Variants in DAXX observed in about 807,000 individuals in gnomAD.
DAXX encodes death domain-associated protein 6.
In DAXX, 24 loss-of-function variants were observed where a neutral mutation model predicts 61.9. The ratio of observed to expected loss-of-function variants is 0.39; its 90% CI spans 0.28 to 0.55. The LOEUF (loss-of-function observed/expected upper bound fraction) is 0.55, where lower values mean the gene tolerates loss of function less well. Ranked by LOEUF, DAXX falls within the 20% of genes least tolerant of loss-of-function variation. The probability of loss-of-function intolerance (pLI) is 0.69; values close to 1 mark genes in which losing one functional copy is unlikely to be tolerated. For synonymous variants in DAXX, 357 were observed against 369.5 expected, an observed-to-expected ratio of 0.97 and a Z score of 0.39; for missense variants, 819 against 935.3, an observed-to-expected ratio of 0.88 and a Z score of 1.62.
rs757006416 is a variant in DAXX, at chr6:33,320,019, GCTT to G, written c.1454_1456del (p.Glu485del). 2 of 1,613,816 alleles carry G rather than the reference GCTT, an allele frequency of 1.2e-6. No homozygotes were observed. Among genetic ancestry groups the G allele is most frequent in the Non-Finnish European group, 1.7e-6 (2 of 1,179,844 alleles). On this transcript the variant is annotated inframe_deletion, in exon 5 of 8. Transcript: ENST00000374542. This position sits in a 1 kb window ranked among gnomAD's most constrained non-coding sequence, Gnocchi z 7.1. ...ATGTTCCCTTGACATACCTGCTGCT[GCTT>G]CTTCCTCTTCGTCCTCCTCTTCATC...
At chr6:33,322,101 C>G in intron 1 of DAXX, 124 bp from the exon 2 acceptor site, 1 of 624,542 alleles carries the variant, frequency 1.6e-6, no homozygotes, top group South Asian at 2.2e-5. Flanking sequence ...TCTTCACCAC[C>G]TGATTTCAAT....
At position 33,322,894 on chromosome 6, in the gene DAXX, G is replaced by T. The variant is rs374303986; in HGVS notation, c.-85C>A. The T allele has an allele frequency of 2.1e-6, 3 of 1,413,326 alleles. No homozygotes were observed. The highest frequency in any genetic ancestry group is 1.9e-5 in the Admixed American group (1 of 53,202). The allele number at this position is 1,413,326 out of a possible 1,614,324, so 87.5% of individuals were successfully genotyped here. ...ACCGTCTCTCGAGGCGACCCTCGCC[G>T]CAATTCTCAGAACCTCGCATGGTTC... On this transcript the variant is annotated 5_prime_UTR_variant, in exon 1 of 8. An upstream open reading frame in the 5' UTR gains an earlier in-frame stop. Transcript: ENST00000374542.
In DAXX at chr6:33,320,134, C is replaced by T. The variant is rs1770381673; in HGVS notation, c.1342G>A (p.Glu448Lys). ...TCCTCTTCTTCTTCCTCCTCCTCCT[C>T]CTCTTCCTCATCACTCTCCTCATCG... is the stretch of plus-strand genomic sequence containing the variant. ...EDDEESDEEE[E>K]EEEEEEEEEA... The change falls in exon 5 of 8, where the codon GAG becomes AAG. Residue 448 changes from glutamate to lysine, a missense_variant. Glu to Lys is a moderately conservative substitution (Grantham distance 56, BLOSUM62 1). Transcript: ENST00000374542. This position sits in a 1 kb window ranked among gnomAD's most constrained non-coding sequence, Gnocchi z 7.1. 7.4e-6 allele frequency: 12 copies of T among 1,613,960 alleles called. No individual in the cohort carries two copies. Among genetic ancestry groups the T allele is most frequent in the Non-Finnish European group, 1.0e-5 (12 of 1,179,854 alleles).
Position 33,321,579 on chromosome 6 carries a change from AG to A in DAXX, c.208-13del, listed in dbSNP as rs1329215812. On this transcript the variant is annotated splice_polypyrimidine_tract_variant and intron_variant, in intron 2 of 7. Transcript: ENST00000374542. This position sits in a 1 kb window ranked among gnomAD's most constrained non-coding sequence, Gnocchi z 7.2. ...CAAAGTTCAAGGAACTAGAAGGTTC[AG>A]GGGAAGAAGGAAGGGGAAGAGAGAC... is the stretch of plus-strand genomic sequence containing the variant. 1.9e-6 allele frequency: 3 copies of A among 1,603,912 alleles called. No homozygotes were observed. Among genetic ancestry groups the A allele is most frequent in the South Asian group, 1.1e-5 (1 of 90,810 alleles).
Position 33,320,667 on chromosome 6 carries a change from G to A in DAXX, c.1039+69C>T. On this transcript the variant is annotated intron_variant, in intron 3 of 7. Transcript: ENST00000374542. This position sits in a 1 kb window ranked among gnomAD's most constrained non-coding sequence, Gnocchi z 7.1. Reference sequence around the variant, plus strand: ...AGAGTAAAAACCCTAGAAAGGACTAGAGAGATGCCCCATCCGCCTCATACC... The same window carrying A: ...AGAGTAAAAACCCTAGAAAGGACTAAAGAGATGCCCCATCCGCCTCATACC... 6.2e-7 allele frequency: 1 copy of A among 1,604,344 alleles called. No homozygotes were observed. Among genetic ancestry groups the A allele is most frequent in the Non-Finnish European group, 8.5e-7 (1 of 1,174,130 alleles).
At position 33,319,464 on chromosome 6, in the gene DAXX, G is replaced by A. The variant is rs1770243499; in HGVS notation, c.1856C>T (p.Pro619Leu). 2 of 1,613,792 alleles carry A rather than the reference G, an allele frequency of 1.2e-6. No individual in the cohort carries two copies. The highest frequency in any genetic ancestry group is 1.7e-6 in the Non-Finnish European group (2 of 1,180,038). ...GGGACCAGAATCTCCCCAGTTGTGA[G>A]GAGAGACGCCTCCATTGAAGGAAGT... ...SSTSFNGGVSPHNWGDSGPPC... is the reference protein window; with the variant it reads ...SSTSFNGGVSLHNWGDSGPPC... The change falls in exon 6 of 8, where the codon CCT becomes CTT. Residue 619 changes from proline to leucine, a missense_variant. Coordinates refer to ENST00000374542, the MANE Select transcript of DAXX (RefSeq NM_001141969.2).
In DAXX at chr6:33,318,726, G is replaced by C. The variant is rs2150985569; in HGVS notation, c.*17C>G. 7.5e-7 allele frequency: 1 copy of C among 1,334,918 alleles called. No homozygotes were observed. Among genetic ancestry groups the C allele is most frequent in the Non-Finnish European group, 1.0e-6 (1 of 955,326 alleles). 82.7% of individuals were successfully genotyped at this position (1,334,918 alleles called of 1,614,324 possible). ...GTTATCCCAGAACATTCTGGAGGCA[G>C]GGAGAAGGGGAGGCAGCTAATCAGA... On this transcript the variant is annotated 3_prime_UTR_variant, in exon 8 of 8. Coordinates refer to ENST00000374542, the MANE Select transcript of DAXX (RefSeq NM_001141969.2).
chr6:33,320,241 T>C lies in DAXX; in HGVS notation c.1252-17A>G. ...ACTAGGGCCCTGGGAGACAAAGAAG[T>C]TTCTCTAAGGAATCCCTTGCCCCAG... is the stretch of plus-strand genomic sequence containing the variant. On this transcript the variant is annotated splice_polypyrimidine_tract_variant and intron_variant, in intron 4 of 7. Transcript: ENST00000374542. This position sits in a 1 kb window ranked among gnomAD's most constrained non-coding sequence, Gnocchi z 7.1. 1 of 1,585,926 alleles carries C rather than the reference T, an allele frequency of 6.3e-7. No homozygotes were observed. The highest frequency in any genetic ancestry group is 8.7e-7 in the Non-Finnish European group (1 of 1,154,670).
rs758034267 is a variant in DAXX, at chr6:33,319,899, GA to G, written c.1466-46del. The G allele has an allele frequency of 1.4e-5, 23 of 1,593,130 alleles. 1 individual carries two copies. The South Asian group carries it at 1.5e-4, about 10-fold the overall frequency. ...GAGAGGGTAGCCTGAGAATGAGGGGGAAAAAATACTGCTGAGAGGACACTAG... is the reference window on the plus strand; with the variant it reads ...GAGAGGGTAGCCTGAGAATGAGGGGGAAAAATACTGCTGAGAGGACACTAG... On this transcript the variant is annotated intron_variant, in intron 5 of 7. Coordinates refer to ENST00000374542, the MANE Select transcript of DAXX (RefSeq NM_001141969.2).
rs748929277 is a variant in DAXX at position 33,320,970 on chromosome 6, T to C, written c.805A>G (p.Arg269Gly). Residue 269 changes from arginine to glycine, a missense_variant, in exon 3 of 8, where the codon AGG becomes GGG. Coordinates refer to ENST00000374542, the MANE Select transcript of DAXX (RefSeq NM_001141969.2). The surrounding 1 kb of genome is among the most constrained non-coding windows in gnomAD (Gnocchi z 7.1). ...YRGTRYPEVNRRIERLINKPG... is the reference protein window; with the variant it reads ...YRGTRYPEVNGRIERLINKPG... ...TTGTTGATGAGCCGCTCAATGCGCC[T>C]GTTAACCTCTGGGTAGCGGGTGCCA... is the stretch of plus-strand genomic sequence containing the variant. 2.5e-5 allele frequency: 41 copies of C among 1,613,736 alleles called. No individual in the cohort carries two copies. The highest frequency in any genetic ancestry group is 3.3e-5 in the Non-Finnish European group (39 of 1,179,748).
Position 33,321,184 on chromosome 6 carries a change from G to A in DAXX, c.591C>T (p.Leu197=), listed in dbSNP as rs550337482. Residue 197 remains leucine (L), a synonymous_variant, in exon 3 of 8, where the codon CTC becomes CTT. Coordinates refer to ENST00000374542, the MANE Select transcript of DAXX (RefSeq NM_001141969.2). The surrounding 1 kb of genome is among the most constrained non-coding windows in gnomAD (Gnocchi z 7.2). ...QIQRLEQLLA[L]YVAEIRRLQE... ...GCAGCCGCCGGATCTCTGCCACATAGAGCGCCAGCAGCTGCTCCAAACGCT... is the reference window on the plus strand; with the variant it reads ...GCAGCCGCCGGATCTCTGCCACATAAAGCGCCAGCAGCTGCTCCAAACGCT... The A allele has an allele frequency of 1.0e-4, 169 of 1,613,462 alleles. No individual in the cohort carries two copies. Among genetic ancestry groups the A allele is most frequent in the Non-Finnish European group, 1.3e-4 (154 of 1,179,392 alleles).
Position 33,320,301 on chromosome 6 carries a change from C to T in DAXX, c.1252-77G>A. 7.0e-7 allele frequency: 1 copy of T among 1,430,458 alleles called. No homozygotes were observed. Among genetic ancestry groups the T allele is most frequent in the Non-Finnish European group, 9.9e-7 (1 of 1,012,572 alleles). The allele number at this position is 1,430,458 out of a possible 1,614,324, so 88.6% of individuals were successfully genotyped here. A position where few individuals can be genotyped will look rare whatever the true frequency, so the allele number is the denominator to read the frequency against. ...TTCTTGCTTTCCTTCTCATGCTCCC[C>T]CATCAGTCAACCTGGACTCCCTGGT... On this transcript the variant is annotated intron_variant, in intron 4 of 7. Coordinates refer to ENST00000374542, the MANE Select transcript of DAXX (RefSeq NM_001141969.2). This position sits in a 1 kb window ranked among gnomAD's most constrained non-coding sequence, Gnocchi z 7.1.
In DAXX at chr6:33,321,557, A is replaced by C. The variant is rs754934457; in HGVS notation, c.218T>G (p.Leu73Arg). The change falls in exon 3 of 8, where the codon CTT (leucine) becomes CGT (arginine). Residue 73 changes from leucine (L) to arginine (R), a missense_variant. Transcript: ENST00000374542. The surrounding 1 kb of genome is among the most constrained non-coding windows in gnomAD (Gnocchi z 7.2). Reference protein sequence around the residue: ...NEKLFEEFLELCKMQTADHPE... With the variant: ...NEKLFEEFLERCKMQTADHPE... ...GTGGTCTGCTGTCTGCATCTTACAA[A>C]GTTCAAGGAACTAGAAGGTTCAGGG... 1.9e-6 allele frequency: 3 copies of C among 1,613,018 alleles called. No homozygotes were observed. In the African/African-American group the frequency reaches 4.0e-5, roughly 22 times the overall value.
Position 33,320,615 on chromosome 6 carries a change from G to A in DAXX, c.1040-24C>T. ...GCCTACGTGGGAAGACATAAAGTCA[G>A]AGCACTCAGCCCTTGAAGGGACTAG... On this transcript the variant is annotated intron_variant, in intron 3 of 7. Coordinates refer to ENST00000374542, the MANE Select transcript of DAXX (RefSeq NM_001141969.2). This position sits in a 1 kb window ranked among gnomAD's most constrained non-coding sequence, Gnocchi z 7.1. 6.2e-7 allele frequency: 1 copy of A among 1,610,984 alleles called. No homozygotes were observed. The highest frequency in any genetic ancestry group is 8.5e-7 in the Non-Finnish European group (1 of 1,178,404).
intron 1 of DAXX, 37 bp downstream of exon 1, chr6:33,322,824 CG>C (rs2151002465): frequency 2.8e-6 from 3 of 1,053,602 alleles, no homozygotes; most frequent in Non-Finnish European, 4.2e-6. Context: ...TCTATATCCC[CG>C]CCCCCGCCTC....
rs1172304002 is a variant in DAXX at position 33,318,606 on chromosome 6, T to C, written c.*137A>G. 2.3e-6 allele frequency: 1 copy of C among 433,414 alleles called. No homozygotes were observed. Among genetic ancestry groups the C allele is most frequent in the East Asian group, 3.4e-5 (1 of 29,450 alleles). The allele number at this position is 433,414 out of a possible 1,614,324, so 26.8% of individuals were successfully genotyped here. A position where few individuals can be genotyped will look rare whatever the true frequency, so the allele number is the denominator to read the frequency against. ...GTTTATTAATGTTTCTGTGTAAAAC[T>C]TAAGCTTTTTTTTTTTTTTAAAGAA... On this transcript the variant is annotated 3_prime_UTR_variant, in exon 8 of 8. Transcript: ENST00000374542.
chr6:33,320,617 G>A lies in DAXX; in HGVS notation c.1040-26C>T, dbSNP rs2150993168. 2 of 1,610,442 alleles carry A rather than the reference G, an allele frequency of 1.2e-6. No homozygotes were observed. The highest frequency in any genetic ancestry group is 2.2e-5 in the South Asian group (2 of 90,824). On this transcript the variant is annotated intron_variant, in intron 3 of 7. Transcript: ENST00000374542. This position sits in a 1 kb window ranked among gnomAD's most constrained non-coding sequence, Gnocchi z 7.1. ...CTACGTGGGAAGACATAAAGTCAGA[G>A]CACTCAGCCCTTGAAGGGACTAGAA... is the stretch of plus-strand genomic sequence containing the variant.
Position 33,321,295 on chromosome 6 carries a change from A to C in DAXX, c.480T>G (p.Pro160=), listed in dbSNP as rs368301498. 4.8e-5 allele frequency: 77 copies of C among 1,612,596 alleles called. No homozygotes were observed. In the Middle Eastern group the frequency reaches 2.0e-3, roughly 41 times the overall value. ...TTSNEPSGNN[P]PTHLSLDPTN... Reference sequence around the variant, plus strand: ...TGGGGTCCAAGGAGAGGTGTGTGGGAGGGTTATTCCCAGAGGGCTCATTGG... The same window carrying C: ...TGGGGTCCAAGGAGAGGTGTGTGGGCGGGTTATTCCCAGAGGGCTCATTGG... The change falls in exon 3 of 8, where the codon CCT becomes CCG. Residue 160 remains proline, a synonymous_variant. Transcript: ENST00000374542. The surrounding 1 kb of genome is among the most constrained non-coding windows in gnomAD (Gnocchi z 7.2).
At chr6:33,319,990 G>A (rs561526683) in intron 5 of DAXX, 21 bp downstream of exon 5, 6 of 1,613,742 alleles carry the variant, frequency 3.7e-6, no homozygotes, top group Non-Finnish European at 4.2e-6. Context: ...GACAGGTGAG[G>A]AGAATGTTCC....
Sources: gnomAD v4.1 joint callset for allele counts on GRCh38, gnomAD v4.1.1 for gene constraint, Gnocchi (gnomAD v3.1) non-coding constraint, MANE v1.5 for transcripts, NCBI Gene and HGNC (gene_info 2026-07-23, HGNC 2026-07-21) for gene names.